The following PREPL variants were observed in gnomAD, a reference collection of about 807,000 sequenced individuals.
The protein encoded by PREPL is prolyl endopeptidase-like.
Under a neutral mutation model 70.6 loss-of-function variants are expected in PREPL, and 77 were observed. The observed-to-expected ratio is 1.09, with a 90% confidence interval of 0.91 to 1.32. PREPL has a LOEUF of 1.32. Ranked by LOEUF, PREPL falls within the 40% of genes most tolerant of loss-of-function variation. The pLI is 0.00. For synonymous variants in PREPL, 315 were observed against 264.8 expected (o/e 1.19, Z -1.84); for missense variants, 1,002 against 778.2 (o/e 1.29, Z -3.42).
In PREPL at chr2:44,338,256, A is replaced by T. The variant is rs1572880406; in HGVS notation, c.888+95T>A. On this transcript the variant is annotated intron_variant, in intron 7 of 13. Coordinates refer to ENST00000409411, the MANE Select transcript of PREPL (RefSeq NM_001171613.2). ...AAGTTACATTCCTTTCAAGAAAAAGAACACTGCTGCCACTATTCAAAATGT... is the reference window on the plus strand; with the variant it reads ...AAGTTACATTCCTTTCAAGAAAAAGTACACTGCTGCCACTATTCAAAATGT... 3.4e-6 allele frequency: 4 copies of T among 1,169,582 alleles called. No homozygotes were observed. The East Asian group carries it at 1.0e-4, about 30-fold the overall frequency. 72.5% of individuals were successfully genotyped at this position (1,169,582 alleles called of 1,614,324 possible). A position where few individuals can be genotyped will look rare whatever the true frequency, so the allele number is the denominator to read the frequency against.
intron 10 of PREPL, among the ~76,000 whole-genome samples, chr2:44,325,511 G>T (rs1300924771): frequency 6.6e-6 from 1 of 152,148 alleles, no homozygotes; most frequent in Non-Finnish European, 1.5e-5. Flanking sequence ...CTTATAAGAA[G>T]AATTTGACTT....
chr2:44,330,799 C>T (rs1292445758), intron 8 of PREPL, among the ~76,000 whole-genome samples: 2 of 152,156 alleles, frequency 1.3e-5, no homozygotes, highest in African/African-American at 4.8e-5. Flanking sequence ...TTGTTCCCTA[C>T]TTGCATAAAT....
At chr2:44,353,753 T>G (rs1205308633) in intron 1 of PREPL, among the ~76,000 whole-genome samples, 1 of 151,990 alleles carries the variant, frequency 6.6e-6, no homozygotes, top group Non-Finnish European at 1.5e-5. Flanking sequence ...ACCAAGACAA[T>G]TCAATGGAAA....
chr2:44,345,568 G>C (rs1431378100), intron 2 of PREPL, among the ~76,000 whole-genome samples: 1 of 151,962 alleles, frequency 6.6e-6, no homozygotes, highest in African/African-American at 2.4e-5. Context: ...GGCTGGTCTT[G>C]AACTCTTGAC....
intron 1 of PREPL, among the ~76,000 whole-genome samples, chr2:44,358,434 A>T (rs1677282649): frequency 6.6e-6 from 1 of 152,236 alleles, no homozygotes. Context: ...TAAATTTGTG[A>T]AACTATTGCA....
chr2:44,340,552 C>T (rs1279857578), intron 5 of PREPL, among the ~76,000 whole-genome samples: 1 of 152,120 alleles, frequency 6.6e-6, no homozygotes, highest in Admixed American at 6.5e-5. Flanking sequence ...ATTTGTCAAT[C>T]GTTATTTCTT....
chr2:44,348,784 C>T (rs1048953914), intron 1 of PREPL, among the ~76,000 whole-genome samples: 2 of 152,150 alleles, frequency 1.3e-5, no homozygotes, highest in African/African-American at 4.8e-5. Flanking sequence ...AGGAATTACT[C>T]CCATGGAAAC....
rs141499414 is a variant in PREPL at position 44,319,006 on chromosome 2, C to A, written c.*2350G>T. 1 of 152,142 alleles carries A rather than the reference C, an allele frequency of 6.6e-6. No homozygotes were observed. The highest frequency in any genetic ancestry group is 1.5e-5 in the Non-Finnish European group (1 of 68,028). 9.4% of individuals were successfully genotyped at this position (152,142 alleles called of 1,614,324 possible). A position where few individuals can be genotyped will look rare whatever the true frequency, so the allele number is the denominator to read the frequency against. On this transcript the variant is annotated 3_prime_UTR_variant, in exon 14 of 14. Coordinates refer to ENST00000409411, the MANE Select transcript of PREPL (RefSeq NM_001171613.2). ...GTAGACAATAATAGCTAACACTTAC[C>A]GGGCACTTCTTATGTGAGTGGCACT... is the stretch of plus-strand genomic sequence containing the variant.
intron 7 of PREPL, among the ~76,000 whole-genome samples, chr2:44,335,789 C>T (rs1217092712): frequency 6.6e-6 from 1 of 151,056 alleles, no homozygotes; most frequent in Non-Finnish European, 1.5e-5. Context: ...ACAAACTATG[C>T]ATCTGACAAA....
At chr2:44,325,308 C>T (rs1373945375) in intron 10 of PREPL, among the ~76,000 whole-genome samples, 1 of 152,212 alleles carries the variant, frequency 6.6e-6, no homozygotes, top group Non-Finnish European at 1.5e-5. Context: ...AAAAGTGCCA[C>T]AGCTATATCC....
chr2:44,349,702 C>T (rs1417559679), intron 1 of PREPL, among the ~76,000 whole-genome samples: 2 of 152,080 alleles, frequency 1.3e-5, no homozygotes, highest in African/African-American at 2.4e-5. Context: ...CGGTGGCTCA[C>T]GCCTGTAATC....
In PREPL at chr2:44,320,764, T is replaced by A. The variant is rs974590296; in HGVS notation, c.*592A>T. On this transcript the variant is annotated 3_prime_UTR_variant, in exon 14 of 14. Transcript: ENST00000409411. ...TTCTTCGATATTTCTGTAGCTTGAA[T>A]GTAACTGCTTTAAGAAAGGTTCTCA... The A allele has an allele frequency of 8.6e-6, 7 of 816,798 alleles. No individual in the cohort carries two copies. Among genetic ancestry groups the A allele is most frequent in the Non-Finnish European group, 2.1e-6 (1 of 487,506 alleles). The allele number at this position is 816,798 out of a possible 1,614,324, so 50.6% of individuals were successfully genotyped here. A position where few individuals can be genotyped will look rare whatever the true frequency, so the allele number is the denominator to read the frequency against.
At chr2:44,333,486 T>G (rs1178678964) in intron 7 of PREPL, among the ~76,000 whole-genome samples, 1 of 151,932 alleles carries the variant, frequency 6.6e-6, no homozygotes, top group East Asian at 1.9e-4. Context: ...GCAAATTCCT[T>G]AGAAAATCAG....
chr2:44,342,527 T>C lies in PREPL; in HGVS notation c.375A>G (p.Glu125=), dbSNP rs367827160. Residue 125 remains glutamate, a synonymous_variant, in exon 5 of 14, where the codon GAA becomes GAG. Transcript: ENST00000409411. ...TCTGGAAGGTGTAGAATAAAACATC[T>C]TCATCTTCCTCGTCCTTTACCCATT... ...SFEWVKDEED[E]DVLFYTFQRN... 36 of 1,610,216 alleles carry C rather than the reference T, an allele frequency of 2.2e-5. No individual in the cohort carries two copies. Among genetic ancestry groups the C allele is most frequent in the Non-Finnish European group, 2.8e-5 (33 of 1,177,622 alleles).
intron 2 of PREPL, among the ~76,000 whole-genome samples, chr2:44,345,416 A>C (rs763444953): frequency 2.6e-5 from 4 of 151,952 alleles, no homozygotes; most frequent in African/African-American, 9.7e-5. Flanking sequence ...CAGTGGTGCA[A>C]TCTTGGCTCA....
Position 44,319,334 on chromosome 2 carries a change from C to CAGAAAAGTGCCA in PREPL, c.*2021_*2022insTGGCACTTTTCT. ...TGGCATTATGTATCAAGTGCCCATA[C>CAGAAAAGTGCCA]TCTTTGACAAAGTAACTGTCTTTCT... On this transcript the variant is annotated 3_prime_UTR_variant, in exon 14 of 14. Coordinates refer to ENST00000409411, the MANE Select transcript of PREPL (RefSeq NM_001171613.2). 1 of 152,542 alleles carries CAGAAAAGTGCCA rather than the reference C, an allele frequency of 6.6e-6. No homozygotes were observed. Among genetic ancestry groups the CAGAAAAGTGCCA allele is most frequent in the Non-Finnish European group, 1.5e-5 (1 of 68,016 alleles). The allele number at this position is 152,542 out of a possible 1,614,324, so 9.4% of individuals were successfully genotyped here. A position where few individuals can be genotyped will look rare whatever the true frequency, so the allele number is the denominator to read the frequency against.
chr2:44,323,257 A>C lies in PREPL; in HGVS notation c.1629+5T>G, dbSNP rs777121021. 1 of 1,587,546 alleles carries C rather than the reference A, an allele frequency of 6.3e-7. No individual in the cohort carries two copies. On this transcript the variant is annotated splice_donor_5th_base_variant and intron_variant, in intron 11 of 13. Coordinates refer to ENST00000409411, the MANE Select transcript of PREPL (RefSeq NM_001171613.2). ...GGATAATCTAACACAATTGTCTTTC[A>C]CTACCTGAGGTTTAATATTTTGATA...
intron 7 of PREPL, among the ~76,000 whole-genome samples, chr2:44,337,859 C>G (rs866039666): frequency 2.7e-4 from 41 of 152,138 alleles, no homozygotes; most frequent in African/African-American, 9.7e-4. Context: ...TGAAAGAAAC[C>G]AAAGTTTGTT....
In PREPL at chr2:44,318,283, T is replaced by C; in HGVS notation, c.*3073A>G. 3.7e-6 allele frequency: 1 copy of C among 273,214 alleles called. No individual in the cohort carries two copies. The allele number at this position is 273,214 out of a possible 1,614,324, so 16.9% of individuals were successfully genotyped here. ...TTTCTGTATTTTTTAGTAGAGATGG[T>C]GTTTCACCATGTTGGCCAGGCTGGT... On this transcript the variant is annotated 3_prime_UTR_variant, in exon 14 of 14. Transcript: ENST00000409411.
Sources: allele counts gnomAD v4.1 joint callset (sites outside exome capture counted in the v4.1 genomes callset), GRCh38; gene constraint gnomAD v4.1.1; transcripts MANE v1.5; gene names NCBI Gene and HGNC (gene_info 2026-07-23, HGNC 2026-07-21).